The following DSCAM variants were observed in gnomAD, a reference collection of about 807,000 sequenced individuals.
DSCAM encodes the protein cell adhesion molecule DSCAM.
A neutral mutation model predicts 217.7 loss-of-function variants in DSCAM; 47 were observed. That is an observed-to-expected ratio of 0.22 (90% CI 0.17 to 0.28). DSCAM has a LOEUF of 0.28. Among genes scored for constraint, DSCAM ranks in the 10% least tolerant of loss-of-function variants. DSCAM has a pLI of 1.00. For synonymous variants in DSCAM, 1,056 were observed against 1,015.3 expected (o/e 1.04, Z -0.76); for missense variants, 2,080 against 2,618.3 (o/e 0.79, Z 4.49).
At chr21:40,154,022 C>T (rs2090450627) in intron 16 of DSCAM, among the ~76,000 whole-genome samples, 1 of 152,098 alleles carries the variant, frequency 6.6e-6, no homozygotes, top group Non-Finnish European at 1.5e-5. Flanking sequence ...AGGGATTCTG[C>T]TTTACAATAG....
intron 3 of DSCAM, among the ~76,000 whole-genome samples, chr21:40,472,971 A>AG (rs1210132847): frequency 6.6e-6 from 1 of 152,184 alleles, no homozygotes; most frequent in Non-Finnish European, 1.5e-5. Context: ...CATATGGGTC[A>AG]GCCCTCTCAG....
At chr21:40,518,173 A>G (rs980025459) in intron 3 of DSCAM, among the ~76,000 whole-genome samples, 1 of 147,750 alleles carries the variant, frequency 6.8e-6, no homozygotes, top group Non-Finnish European at 1.5e-5. Context: ...TTCCAATTCA[A>G]TAGGAATCTG....
intron 29 of DSCAM, 50 bp downstream of exon 29, chr21:40,055,675 G>C: frequency 2.2e-6 from 3 of 1,391,696 alleles, no homozygotes; most frequent in Non-Finnish European, 2.0e-6. Flanking sequence ...GATTGAGAAG[G>C]CATGGCTGTG....
chr21:40,093,126 A>C (rs2089631806), intron 21 of DSCAM, among the ~76,000 whole-genome samples: 1 of 152,192 alleles, frequency 6.6e-6, no homozygotes, highest in Admixed American at 6.5e-5. Context: ...TCCTGGAAAC[A>C]CTGGATGGCC....
intron 3 of DSCAM, among the ~76,000 whole-genome samples, chr21:40,569,691 CCTGA>C (rs1404678953): frequency 6.6e-6 from 1 of 152,052 alleles, no homozygotes; most frequent in African/African-American, 2.4e-5. Flanking sequence ...TGTGGTGGAC[CCTGA>C]CTGACATACC....
chr21:40,180,541 C>T (rs7509740), intron 14 of DSCAM, among the ~76,000 whole-genome samples: 10,268 of 152,036 alleles, frequency 0.068, 1,112 homozygotes, highest in African/African-American at 0.23. Flanking sequence ...ATCAATGAAA[C>T]GGCACACACC....
chr21:40,339,815 A>AG (rs145265743), intron 6 of DSCAM, among the ~76,000 whole-genome samples: 75 of 152,272 alleles, frequency 4.9e-4, no homozygotes, highest in South Asian at 8.3e-4. Context: ...GTTGGTGCAA[A>AG]AGTGATTGCA....
At chr21:40,661,500 A>G (rs1308151185) in intron 3 of DSCAM, among the ~76,000 whole-genome samples, 2 of 152,244 alleles carry the variant, frequency 1.3e-5, no homozygotes, top group Non-Finnish European at 2.9e-5. Context: ...CACAAGAATG[A>G]CAGTGAGGAT....
At chr21:40,725,638 C>T (rs1297197737) in intron 1 of DSCAM, among the ~76,000 whole-genome samples, 1 of 152,210 alleles carries the variant, frequency 6.6e-6, no homozygotes, top group Non-Finnish European at 1.5e-5. Flanking sequence ...ACAATGCAAT[C>T]AACACTTAAA....
At chr21:40,397,446 C>T (rs2075189944) in intron 3 of DSCAM, among the ~76,000 whole-genome samples, 1 of 152,104 alleles carries the variant, frequency 6.6e-6, no homozygotes, top group African/African-American at 2.4e-5. Flanking sequence ...CCCCCTTTGC[C>T]TTCCACCATG....
At chr21:40,349,665 G>T (rs1211289672) in intron 5 of DSCAM, among the ~76,000 whole-genome samples, 1 of 152,094 alleles carries the variant, frequency 6.6e-6, no homozygotes, top group Non-Finnish European at 1.5e-5. Context: ...TAGTTATTGA[G>T]AGCGCTTAAA....
chr21:40,517,074 T>A (rs975694746), intron 3 of DSCAM, among the ~76,000 whole-genome samples: 1 of 148,120 alleles, frequency 6.8e-6, no homozygotes, highest in Non-Finnish European at 1.5e-5. Flanking sequence ...TATATACATA[T>A]GTTACATATA....
At chr21:40,122,381 A>G (rs2090044646) in intron 20 of DSCAM, among the ~76,000 whole-genome samples, 1 of 152,234 alleles carries the variant, frequency 6.6e-6, no homozygotes, top group Admixed American at 6.5e-5. Flanking sequence ...CTAGCCTGTT[A>G]GAGTCAAAAG....
Position 40,012,922 on chromosome 21 carries a change from T to C in DSCAM, c.*112A>G, listed in dbSNP as rs1160633499. The C allele has an allele frequency of 1.9e-5, 13 of 700,562 alleles. No homozygotes were observed. The highest frequency in any genetic ancestry group is 2.4e-5 in the Non-Finnish European group (12 of 490,974). 43.4% of individuals were successfully genotyped at this position (700,562 alleles called of 1,614,324 possible). ...AGTATTTTCTCTTTTTTTTTTTTAATATATTTTGGCAATTTTCTTTAATTA... is the reference window on the plus strand; with the variant it reads ...AGTATTTTCTCTTTTTTTTTTTTAACATATTTTGGCAATTTTCTTTAATTA... On this transcript the variant is annotated 3_prime_UTR_variant, in exon 33 of 33. Coordinates refer to ENST00000400454, the MANE Select transcript of DSCAM (RefSeq NM_001389.5).
chr21:40,668,708 T>G (rs1472763320), intron 3 of DSCAM, among the ~76,000 whole-genome samples: 1 of 152,198 alleles, frequency 6.6e-6, no homozygotes, highest in Non-Finnish European at 1.5e-5. Context: ...AACATAAAAC[T>G]TTATCTGTTG....
At chr21:40,841,976 G>A (rs913182099) in intron 1 of DSCAM, among the ~76,000 whole-genome samples, 8 of 152,196 alleles carry the variant, frequency 5.3e-5, no homozygotes, top group African/African-American at 1.7e-4. Context: ...ACTCTACGAC[G>A]CCGGAGTTTG....
At chr21:40,692,781 G>A in intron 3 of DSCAM, 29 bp downstream of exon 3, 2 of 1,602,000 alleles carry the variant, frequency 1.2e-6, no homozygotes, top group South Asian at 1.1e-5. Context: ...TGAGCGTGGT[G>A]TCCTGCACCC....
chr21:40,076,114 C>T lies in DSCAM; in HGVS notation c.4712-901G>A, dbSNP rs191234170. Among the ~76,000 whole-genome samples, 9 of 152,236 alleles carry T rather than the reference C, an allele frequency of 5.9e-5. No individual in the cohort carries two copies. In the East Asian group the frequency reaches 1.4e-3, roughly 23 times the overall value. On this transcript the variant is annotated intron_variant, in intron 26 of 32. Transcript: ENST00000400454. The stretch of plus-strand genomic sequence containing the variant: ...TAATATAATTTCTCCCTCAGCAAAA[C>T]GGTCTTTATCCTGCATTTAGTAAGC...
intron 20 of DSCAM, among the ~76,000 whole-genome samples, chr21:40,095,507 C>T (rs2089664746): frequency 6.6e-6 from 1 of 152,096 alleles, no homozygotes; most frequent in Admixed American, 6.6e-5. Flanking sequence ...AGATCGATGG[C>T]AACATAGATT....
Sources: allele counts gnomAD v4.1 joint callset (sites outside exome capture counted in the v4.1 genomes callset), GRCh38; gene constraint gnomAD v4.1.1; transcripts MANE v1.5; gene names NCBI Gene and HGNC (gene_info 2026-07-23, HGNC 2026-07-21).